OR8H2: variants seen among roughly 807,000 people sequenced by gnomAD.
The protein encoded by OR8H2 is olfactory receptor 8H2.
For synonymous variants in OR8H2, 157 were observed against 139.2 expected (o/e 1.13, Z -0.90); for missense variants, 374 against 371.1 (o/e 1.01, Z -0.06).
intron 1 of OR8H2, among the ~76,000 whole-genome samples, chr11:56,104,607 G>A (rs1854021185): frequency 6.6e-6 from 1 of 152,050 alleles, no homozygotes; most frequent in South Asian, 2.1e-4. Context: ...CTATTTTCAG[G>A]TGGATTCAAT....
Position 56,105,321 on chromosome 11 carries a change from C to T in OR8H2, c.279C>T (p.Ser93=), listed in dbSNP as rs1463792600. 1 of 1,614,226 alleles carries T rather than the reference C, an allele frequency of 6.2e-7. No homozygotes were observed. Among genetic ancestry groups the T allele is most frequent in the Non-Finnish European group, 8.5e-7 (1 of 1,180,046 alleles). The change falls in exon 2 of 2, where the codon TCC becomes TCT. Residue 93 remains serine (S), a synonymous_variant. Coordinates refer to ENST00000313503, the MANE Select transcript of OR8H2 (RefSeq NM_001386064.1). ...ACTTACTGACTTCCAACTATATTTC[C>T]TTTACGGGCTGCTTTGCCCAGATGT... ...LANLLTSNYI[S]FTGCFAQMFF... is the part of the protein sequence containing the mutation.
rs1404892308 is a variant in OR8H2, at chr11:56,103,980, C to T, written c.-179C>T. On this transcript the variant is annotated 5_prime_UTR_variant, in exon 1 of 2. Transcript: ENST00000313503. Reference sequence around the variant, plus strand: ...GAAACCTTTTTAATGAATGTTGACTCACACACAGTAAGTATTATTCTCAAA... The same window carrying T: ...GAAACCTTTTTAATGAATGTTGACTTACACACAGTAAGTATTATTCTCAAA... 1 of 152,058 alleles carries T rather than the reference C, an allele frequency of 6.6e-6. No individual in the cohort carries two copies. The highest frequency in any genetic ancestry group is 2.4e-5 in the African/African-American group (1 of 41,412). 9.4% of individuals were successfully genotyped at this position (152,058 alleles called of 1,614,324 possible). A position where few individuals can be genotyped will look rare whatever the true frequency, so the allele number is the denominator to read the frequency against.
Position 56,103,949 on chromosome 11 carries a change from TAAG to T in OR8H2, c.-204_-202del, listed in dbSNP as rs1213955180. The stretch of plus-strand genomic sequence containing the variant: ...TTGACAAATTTCCAGACAGATAATA[TAAG>T]AAGAAACCTTTTTAATGAATGTTGA... On this transcript the variant is annotated 5_prime_UTR_variant, in exon 1 of 2. Transcript: ENST00000313503. 6.6e-6 allele frequency: 1 copy of T among 152,130 alleles called. No homozygotes were observed. Among genetic ancestry groups the T allele is most frequent in the Non-Finnish European group, 1.5e-5 (1 of 68,002 alleles). 9.4% of individuals were successfully genotyped at this position (152,130 alleles called of 1,614,324 possible). A position where few individuals can be genotyped will look rare whatever the true frequency, so the allele number is the denominator to read the frequency against.
Position 56,105,584 on chromosome 11 carries a change from C to A in OR8H2, c.542C>A (p.Thr181Asn). 6.2e-7 allele frequency: 1 copy of A among 1,614,106 alleles called. No individual in the cohort carries two copies. The highest frequency in any genetic ancestry group is 8.5e-7 in the Non-Finnish European group (1 of 1,179,994). The stretch of plus-strand genomic sequence containing the variant: ...GTAATTCATCACTTTTTCTGTGACA[C>A]TTCCCCAATTTTAGCTCTGTCCTGC... ...SNVIHHFFCD[T>N]SPILALSCTD... Residue 181 changes from threonine (T) to asparagine (N), a missense_variant, in exon 2 of 2, where the codon ACT becomes AAT. Thr to Asn is a moderately conservative substitution (Grantham distance 65). Coordinates refer to ENST00000313503, the MANE Select transcript of OR8H2 (RefSeq NM_001386064.1).
intron 1 of OR8H2, among the ~76,000 whole-genome samples, 186 bp from the exon 2 acceptor site, chr11:56,104,686 C>T (rs943359177): frequency 6.6e-6 from 1 of 152,188 alleles, no homozygotes; most frequent in Non-Finnish European, 1.5e-5. Context: ...CTACATGCTA[C>T]ACTTTATTGT....
rs777085759 is a variant in OR8H2 at position 56,105,096 on chromosome 11, G to C, written c.54G>C (p.Leu18=). ...TNVADFILMG[L]TLSEEIQMAL... is the part of the protein sequence containing the mutation. Reference sequence around the variant, plus strand: ...TGGCTGACTTCATCCTTATGGGACTGACACTTTCTGAAGAGATCCAGATGG... The same window carrying C: ...TGGCTGACTTCATCCTTATGGGACTCACACTTTCTGAAGAGATCCAGATGG... Residue 18 remains leucine (L), a synonymous_variant, in exon 2 of 2, where the codon CTG becomes CTC. Transcript: ENST00000313503. 6.2e-7 allele frequency: 1 copy of C among 1,614,168 alleles called. No individual in the cohort carries two copies. Among genetic ancestry groups the C allele is most frequent in the Non-Finnish European group, 8.5e-7 (1 of 1,180,002 alleles).
intron 1 of OR8H2, among the ~76,000 whole-genome samples, chr11:56,104,337 T>C (rs1364740409): frequency 6.6e-6 from 1 of 152,112 alleles, no homozygotes; most frequent in African/African-American, 2.4e-5. Flanking sequence ...TAAATAATAT[T>C]GGAAACAAAA....
chr11:56,105,231 C>A lies in OR8H2; in HGVS notation c.189C>A (p.Phe63Leu), dbSNP rs1854034746. 1 of 1,613,988 alleles carries A rather than the reference C, an allele frequency of 6.2e-7. No homozygotes were observed. Among genetic ancestry groups the A allele is most frequent in the Non-Finnish European group, 8.5e-7 (1 of 1,180,012 alleles). The change falls in exon 2 of 2, where the codon TTC becomes TTA. Residue 63 changes from phenylalanine to leucine, a missense_variant. Phe to Leu is a conservative substitution (Grantham distance 22). Coordinates refer to ENST00000313503, the MANE Select transcript of OR8H2 (RefSeq NM_001386064.1). Reference sequence around the variant, plus strand: ...AGCTTCACACTCCCATGTATTTTTTCCTTACTCACCTGTCATTTATTGACC... The same window carrying A: ...AGCTTCACACTCCCATGTATTTTTTACTTACTCACCTGTCATTTATTGACC... ...DLQLHTPMYFFLTHLSFIDLS... is the reference protein window; with the variant it reads ...DLQLHTPMYFLLTHLSFIDLS...
Position 56,105,786 on chromosome 11 carries a change from C to T in OR8H2, c.744C>T (p.Val248=). The part of the protein sequence containing the change: ...FSTCVSHLLG[V]TIFYSTLIFT... Reference sequence around the variant, plus strand: ...CTTGCGTCTCTCATCTCTTGGGAGTCACCATCTTTTATAGCACTCTGATTT... The same window carrying T: ...CTTGCGTCTCTCATCTCTTGGGAGTTACCATCTTTTATAGCACTCTGATTT... Residue 248 remains valine, a synonymous_variant, in exon 2 of 2, where the codon GTC becomes GTT. Transcript: ENST00000313503. 1 of 1,613,836 alleles carries T rather than the reference C, an allele frequency of 6.2e-7. No individual in the cohort carries two copies. The highest frequency in any genetic ancestry group is 2.2e-5 in the East Asian group (1 of 44,866).
Position 56,105,217 on chromosome 11 carries a change from C to T in OR8H2, c.175C>T (p.Pro59Ser), listed in dbSNP as rs1854034535. Reference protein sequence around the residue: ...IIRLDLQLHTPMYFFLTHLSF... With the variant: ...IIRLDLQLHTSMYFFLTHLSF... ...CCGCCTGGACCTCCAGCTTCACACT[C>T]CCATGTATTTTTTCCTTACTCACCT... The change falls in exon 2 of 2, where the codon CCC becomes TCC. Residue 59 changes from proline to serine, a missense_variant. Pro to Ser is a moderately conservative substitution (Grantham distance 74). Coordinates refer to ENST00000313503, the MANE Select transcript of OR8H2 (RefSeq NM_001386064.1). 6 of 1,614,160 alleles carry T rather than the reference C, an allele frequency of 3.7e-6. No individual in the cohort carries two copies. Among genetic ancestry groups the T allele is most frequent in the African/African-American group, 2.7e-5 (2 of 75,042 alleles).
Position 56,106,089 on chromosome 11 carries a change from A to G in OR8H2, c.*108A>G. 1 of 778,572 alleles carries G rather than the reference A, an allele frequency of 1.3e-6. No homozygotes were observed. Among genetic ancestry groups the G allele is most frequent in the Non-Finnish European group, 2.1e-6 (1 of 484,888 alleles). 48.2% of individuals were successfully genotyped at this position (778,572 alleles called of 1,614,324 possible). On this transcript the variant is annotated 3_prime_UTR_variant, in exon 2 of 2. Coordinates refer to ENST00000313503, the MANE Select transcript of OR8H2 (RefSeq NM_001386064.1). ...CAATTGAATCTTTTAATTTGTTTGC[A>G]TTTCTGTTGTGCTACCCTTTGCTTC...
Position 56,104,867 on chromosome 11 carries a change from G to A in OR8H2, c.-171-5G>A. 7.1e-5 allele frequency: 33 copies of A among 464,582 alleles called. No individual in the cohort carries two copies. Among genetic ancestry groups the A allele is most frequent in the Non-Finnish European group, 8.6e-5 (23 of 267,646 alleles). The allele number at this position is 464,582 out of a possible 1,614,324, so 28.8% of individuals were successfully genotyped here. ...TTTTTGTTTGTTTTTTGTTTTTTGA[G>A]TCAGAGTCTGGCACAGTCGCCAGGG... On this transcript the variant is annotated splice_region_variant and splice_polypyrimidine_tract_variant and intron_variant, in intron 1 of 1. Coordinates refer to ENST00000313503, the MANE Select transcript of OR8H2 (RefSeq NM_001386064.1).
chr11:56,104,816 T>C, intron 1 of OR8H2, 56 bp from the exon 2 acceptor site: 1 of 433,960 alleles, frequency 2.3e-6, no homozygotes, highest in South Asian at 5.4e-5. Flanking sequence ...TTAAATGATA[T>C]GCCATTCATA....
rs1038414412 is a variant in OR8H2 at position 56,103,826 on chromosome 11, A to G, written c.-333A>G. The G allele has an allele frequency of 6.6e-6, 1 of 152,200 alleles. No homozygotes were observed. Among genetic ancestry groups the G allele is most frequent in the Non-Finnish European group, 1.5e-5 (1 of 68,038 alleles). The allele number at this position is 152,200 out of a possible 1,614,324, so 9.4% of individuals were successfully genotyped here. A position where few individuals can be genotyped will look rare whatever the true frequency, so the allele number is the denominator to read the frequency against. Reference sequence around the variant, plus strand: ...TAACTCAGAATAAAACATAATGAATACACCAAAATGTAAAAACAACTTATC... The same window carrying G: ...TAACTCAGAATAAAACATAATGAATGCACCAAAATGTAAAAACAACTTATC... On this transcript the variant is annotated 5_prime_UTR_variant, in exon 1 of 2. In the 5' UTR this introduces an upstream ATG that the reference lacks. Coordinates refer to ENST00000313503, the MANE Select transcript of OR8H2 (RefSeq NM_001386064.1).
chr11:56,105,545 T>G lies in OR8H2; in HGVS notation c.503T>G (p.Phe168Cys). 1 of 1,614,204 alleles carries G rather than the reference T, an allele frequency of 6.2e-7. No homozygotes were observed. The highest frequency in any genetic ancestry group is 1.6e-4 in the Middle Eastern group (1 of 6,062). The stretch of plus-strand genomic sequence containing the variant: ...GTGGTTTCCATGAGCAGATTGCATT[T>G]CTACGACTCAAACGTAATTCATCAC... The part of the protein sequence containing the change: ...VNVVSMSRLH[F>C]YDSNVIHHFF... Residue 168 changes from phenylalanine (F) to cysteine (C), a missense_variant, in exon 2 of 2, where the codon TTC becomes TGC. Coordinates refer to ENST00000313503, the MANE Select transcript of OR8H2 (RefSeq NM_001386064.1).
rs1485882376 is a variant in OR8H2 at position 56,105,459 on chromosome 11, G to T, written c.417G>T (p.Arg139Ser). 1.2e-6 allele frequency: 2 copies of T among 1,614,074 alleles called. No homozygotes were observed. The highest frequency in any genetic ancestry group is 1.1e-5 in the South Asian group (1 of 91,072). Residue 139 changes from arginine (R) to serine (S), a missense_variant, in exon 2 of 2, where the codon AGG (arginine) becomes AGT (serine). Physicochemically the swap from Arg to Ser is moderately radical, Grantham distance 110. Transcript: ENST00000313503. Reference sequence around the variant, plus strand: ...ACTACACAGTTATTATGTCCAAAAGGCTCTGCCTCGCTCTCATCACTGGGC... The same window carrying T: ...ACTACACAGTTATTATGTCCAAAAGTCTCTGCCTCGCTCTCATCACTGGGC... ...PLHYTVIMSK[R>S]LCLALITGPY...
rs1854070246 is a variant in OR8H2 at position 56,107,470 on chromosome 11, T to C, written c.*1489T>C. The C allele has an allele frequency of 6.6e-6, 1 of 151,944 alleles. No homozygotes were observed. The highest frequency in any genetic ancestry group is 1.5e-5 in the Non-Finnish European group (1 of 67,812). The allele number at this position is 151,944 out of a possible 1,614,324, so 9.4% of individuals were successfully genotyped here. ...TTTAGTCAGGCAGAGTGCTAAAATGTCTTTTATTTTTAAATTTTTCTCTTC... is the reference window on the plus strand; with the variant it reads ...TTTAGTCAGGCAGAGTGCTAAAATGCCTTTTATTTTTAAATTTTTCTCTTC... On this transcript the variant is annotated 3_prime_UTR_variant, in exon 2 of 2. Transcript: ENST00000313503.
Position 56,105,483 on chromosome 11 carries a change from G to A in OR8H2, c.441G>A (p.Gly147=). Residue 147 remains glycine, a synonymous_variant, in exon 2 of 2, where the codon GGG becomes GGA. Transcript: ENST00000313503. ...GGCTCTGCCTCGCTCTCATCACTGG[G>A]CCTTATGTGATTGGCTTTATAGACT... The part of the protein sequence containing the change: ...SKRLCLALIT[G]PYVIGFIDSF... 3 of 1,614,144 alleles carry A rather than the reference G, an allele frequency of 1.9e-6. No individual in the cohort carries two copies. The highest frequency in any genetic ancestry group is 2.2e-5 in the East Asian group (1 of 44,864).
chr11:56,105,143 T>G lies in OR8H2; in HGVS notation c.101T>G (p.Leu34Arg), dbSNP rs367849428. Residue 34 changes from leucine to arginine, a missense_variant, in exon 2 of 2, where the codon CTG (leucine) becomes CGG (arginine). By Grantham distance (102) the Leu-to-Arg change is moderately radical. Transcript: ENST00000313503. ...IQMALFMLFL[L>R]IYLITMLGNV... ...ATGGCTCTGTTTATGCTATTTCTCC[T>G]GATATACCTAATTACTATGCTGGGG... 1.5e-5 allele frequency: 24 copies of G among 1,614,104 alleles called. No homozygotes were observed. The highest frequency in any genetic ancestry group is 1.9e-5 in the Non-Finnish European group (22 of 1,180,046).
Sources: allele counts gnomAD v4.1 joint callset (sites outside exome capture counted in the v4.1 genomes callset), GRCh38; gene constraint gnomAD v4.1.1; transcripts MANE v1.5; gene names NCBI Gene and HGNC (gene_info 2026-07-23, HGNC 2026-07-21).